The following KMT2C variants were observed in gnomAD, a reference collection of about 807,000 sequenced individuals.
KMT2C encodes lysine methyltransferase 2C.
A neutral mutation model predicts 507.9 loss-of-function variants in KMT2C; 88 were observed. The observed-to-expected ratio is 0.17, with a 90% CI of 0.15 to 0.21. The LOEUF (loss-of-function observed/expected upper bound fraction) is 0.21, where lower values mean the gene tolerates loss of function less well. Among genes scored for constraint, KMT2C ranks in the 10% least tolerant of loss-of-function variants. KMT2C has a pLI of 1.00. For synonymous variants in KMT2C, 2,049 were observed against 2,080.8 expected (o/e 0.98, Z 0.42); for missense variants, 4,954 against 5,957.8 (o/e 0.83, Z 5.55).
intron 1 of KMT2C, among the ~76,000 whole-genome samples, chr7:152,371,802 T>C (rs2129241600): frequency 6.6e-6 from 1 of 152,086 alleles, no homozygotes; most frequent in Non-Finnish European, 1.5e-5. Flanking sequence ...TTAGTAGACA[T>C]GGAATTTCAC....
intron 23 of KMT2C, among the ~76,000 whole-genome samples, chr7:152,209,825 G>GA (rs137877355): frequency 6.0e-5 from 9 of 150,988 alleles, no homozygotes; most frequent in Non-Finnish European, 1.2e-4. Flanking sequence ...AGAAAGAACT[G>GA]AAAAAAAGAA....
intron 1 of KMT2C, among the ~76,000 whole-genome samples, chr7:152,386,168 A>C (rs2097423997): frequency 6.6e-6 from 1 of 151,938 alleles, no homozygotes; most frequent in Non-Finnish European, 1.5e-5. Context: ...TCCTGTGTCC[A>C]TGACTCACTC....
intron 3 of KMT2C, among the ~76,000 whole-genome samples, chr7:152,329,112 T>C (rs926464131): frequency 2.0e-5 from 3 of 152,154 alleles, no homozygotes; most frequent in Non-Finnish European, 4.4e-5. Context: ...ATGAGCTTTC[T>C]TTCCCAGGGA....
At chr7:152,328,940 G>C (rs1026346374) in intron 3 of KMT2C, among the ~76,000 whole-genome samples, 1 of 152,054 alleles carries the variant, frequency 6.6e-6, no homozygotes, top group African/African-American at 2.4e-5. Context: ...AATCAAGCAT[G>C]GTACTGGACA....
At chr7:152,282,264 T>C (rs925343974) in intron 6 of KMT2C, among the ~76,000 whole-genome samples, 9 of 149,496 alleles carry the variant, frequency 6.0e-5, no homozygotes, top group Non-Finnish European at 1.2e-4. Context: ...GCCACTGCAC[T>C]CCAGCCTGGG....
At position 152,360,338 on chromosome 7, in the gene KMT2C, C is replaced by T. The variant is rs182018034; in HGVS notation, c.162-1663G>A. Reference sequence around the variant, plus strand: ...ACTAAAAATACAAAAATTAGCTGGACGTGTTGATGCACATCTGTAATCCCA... The same window carrying T: ...ACTAAAAATACAAAAATTAGCTGGATGTGTTGATGCACATCTGTAATCCCA... On this transcript the variant is annotated intron_variant, in intron 1 of 58. Transcript: ENST00000262189. Among the ~76,000 whole-genome samples, 42 of 151,004 alleles carry T rather than the reference C, an allele frequency of 2.8e-4. No homozygotes were observed. The East Asian group carries it at 3.6e-3, about 13-fold the overall frequency.
At chr7:152,137,852 C>T (rs1480126977) in intron 58 of KMT2C, 1 of 152,208 alleles carries the variant, frequency 6.6e-6, no homozygotes, top group Non-Finnish European at 1.5e-5. Flanking sequence ...GCCAGGGCTC[C>T]CACACACTGT....
rs1169009440 is a variant in KMT2C at position 152,180,827 on chromosome 7, G to C, written c.7033C>G (p.Gln2345Glu). 1 of 1,614,142 alleles carries C rather than the reference G, an allele frequency of 6.2e-7. No homozygotes were observed. The change falls in exon 36 of 59, where the codon CAA becomes GAA. Residue 2345 changes from glutamine (Q) to glutamate (E), a missense_variant. By Grantham distance (29) the Gln-to-Glu change is conservative (BLOSUM62 2). Coordinates refer to ENST00000262189, the MANE Select transcript of KMT2C (RefSeq NM_170606.3). ...CASSNSPMHS[Q>E]GQQFSGVSQL... Reference sequence around the variant, plus strand: ...GAGACACCAGAGAACTGCTGGCCTTGGGAGTGCATTGGAGAGTTTGAAGAT... The same window carrying C: ...GAGACACCAGAGAACTGCTGGCCTTCGGAGTGCATTGGAGAGTTTGAAGAT...
rs866077512 is a variant in KMT2C, at chr7:152,163,086, G to A, written c.10491C>T (p.Ser3497=). 9 of 1,614,216 alleles carry A rather than the reference G, an allele frequency of 5.6e-6. No individual in the cohort carries two copies. The highest frequency in any genetic ancestry group is 1.1e-5 in the South Asian group (1 of 91,076). ...NIQQGSINSP[S]TQTFMQTNER... ...CATTAGTCTGCATGAAAGTTTGGGT[G>A]GAGGGTGAATTAATTGATCCTTGTT... The change falls in exon 43 of 59, where the codon TCC becomes TCT. Residue 3497 remains serine, a synonymous_variant. Coordinates refer to ENST00000262189, the MANE Select transcript of KMT2C (RefSeq NM_170606.3).
chr7:152,211,816 A>AG (rs1387178468), intron 23 of KMT2C, among the ~76,000 whole-genome samples: 1 of 152,076 alleles, frequency 6.6e-6, no homozygotes, highest in East Asian at 1.9e-4. Flanking sequence ...TGGGAGGCTG[A>AG]GGCGGGCGGA....
chr7:152,308,673 CAAAAAAAAAAAAAAAA>C (rs938826373), intron 6 of KMT2C, among the ~76,000 whole-genome samples: 7 of 24,558 alleles, frequency 2.9e-4, no homozygotes, highest in African/African-American at 4.5e-4. Flanking sequence ...AAACTCCTCT[CAAAAAAAAAAAAAAAA>C]AAAAAAAAAA....
At chr7:152,215,713 T>C (rs1343042956) in intron 23 of KMT2C, among the ~76,000 whole-genome samples, 1 of 134,922 alleles carries the variant, frequency 7.4e-6, no homozygotes, top group Non-Finnish European at 1.5e-5. Context: ...ACACACAAAA[T>C]ATATATATAT....
intron 2 of KMT2C, among the ~76,000 whole-genome samples, chr7:152,347,229 G>A (rs1006052997): frequency 1.3e-5 from 2 of 152,236 alleles, no homozygotes; most frequent in South Asian, 2.1e-4. Flanking sequence ...CTGTCTACCT[G>A]AAATAGTGGG....
intron 6 of KMT2C, among the ~76,000 whole-genome samples, chr7:152,304,895 G>T (rs1466430962): frequency 6.6e-6 from 1 of 152,122 alleles, no homozygotes; most frequent in Non-Finnish European, 1.5e-5. Flanking sequence ...AAGTTCAATA[G>T]CTATATCGCC....
chr7:152,417,176 A>G (rs900803210), intron 1 of KMT2C, among the ~76,000 whole-genome samples: 7 of 152,158 alleles, frequency 4.6e-5, no homozygotes, highest in Admixed American at 1.3e-4. Context: ...GAACTTACTA[A>G]GTAATAGGCA....
At chr7:152,259,450 A>ACGCG (rs2095724668) in intron 9 of KMT2C, among the ~76,000 whole-genome samples, 1 of 91,126 alleles carries the variant, frequency 1.1e-5, no homozygotes, top group African/African-American at 4.9e-5. Flanking sequence ...ACACGCGCAC[A>ACGCG]CACACACACA....
intron 6 of KMT2C, among the ~76,000 whole-genome samples, chr7:152,277,780 T>C (rs914553653): frequency 9.8e-5 from 15 of 152,290 alleles, no homozygotes; most frequent in African/African-American, 3.4e-4. Context: ...AAAAAAATCA[T>C]TATTTTTCTA....
intron 38 of KMT2C, among the ~76,000 whole-genome samples, chr7:152,174,618 TAAAAG>T (rs2093114225): frequency 6.6e-6 from 1 of 152,136 alleles, no homozygotes; most frequent in Non-Finnish European, 1.5e-5. Context: ...TTATCACTCT[TAAAAG>T]AAAAATGCAC....
chr7:152,295,531 A>T (rs530920159), intron 6 of KMT2C, among the ~76,000 whole-genome samples: 3 of 152,350 alleles, frequency 2.0e-5, no homozygotes, highest in African/African-American at 4.8e-5. Flanking sequence ...CACCACCTTA[A>T]ATCTTTCCTT....
Sources: gnomAD v4.1 joint callset for allele counts (sites outside exome capture counted in the v4.1 genomes callset) on GRCh38, gnomAD v4.1.1 for gene constraint, MANE v1.5 for transcripts, NCBI Gene and HGNC (gene_info 2026-07-23, HGNC 2026-07-21) for gene names.